The following ZNF892 variants were observed in gnomAD, a reference collection of about 807,000 sequenced individuals.
ZNF892 encodes the protein zinc finger protein 570-like.
At chr2:95,207,551 C>A in the ZNF892 span, 1 of 361,182 alleles carries the variant, frequency 2.8e-6, no homozygotes, top group East Asian at 4.1e-5. Flanking sequence ...CGGCGCTAGG[C>A]GTCCCCGCCG....
chr2:95,236,963 C>T, the ZNF892 span, among the ~76,000 whole-genome samples: 7 of 152,168 alleles, frequency 4.6e-5, no homozygotes, highest in African/African-American at 2.4e-5. Context: ...TTCTTTATTA[C>T]ACTTTGCAGA....
At chr2:95,229,523 T>A in the ZNF892 span, among the ~76,000 whole-genome samples, 1 of 152,170 alleles carries the variant, frequency 6.6e-6, no homozygotes, top group Non-Finnish European at 1.5e-5. Context: ...CTCTACTAGT[T>A]TTATCTGTTT....
At chr2:95,209,670 CG>C in the ZNF892 span, among the ~76,000 whole-genome samples, 2 of 152,110 alleles carry the variant, frequency 1.3e-5, no homozygotes, top group Non-Finnish European at 2.9e-5. Context: ...ATTGGTAGAT[CG>C]CTTTCAGAAA....
chr2:95,215,859 A>G, the ZNF892 span, among the ~76,000 whole-genome samples: 3 of 152,348 alleles, frequency 2.0e-5, no homozygotes, highest in South Asian at 6.2e-4. Context: ...AAATTGCCAT[A>G]TCCTTGGGAG....
At chr2:95,207,190 GCCTCCCCTC>G in the ZNF892 span, among the ~76,000 whole-genome samples, 1 of 152,246 alleles carries the variant, frequency 6.6e-6, no homozygotes, top group African/African-American at 2.4e-5. Context: ...ACCGCCGGGC[GCCTCCCCTC>G]CGATGGAGCA....
chr2:95,239,384 C>T, the ZNF892 span, among the ~76,000 whole-genome samples: 14 of 152,122 alleles, frequency 9.2e-5, no homozygotes. Context: ...AGAGGAGGGA[C>T]TCCAATTTTG....
chr2:95,211,340 C>T, the ZNF892 span, among the ~76,000 whole-genome samples: 1 of 152,158 alleles, frequency 6.6e-6, no homozygotes, highest in Non-Finnish European at 1.5e-5. Context: ...TTTATTGATA[C>T]ATAAACTAAA....
At chr2:95,228,213 T>C in the ZNF892 span, among the ~76,000 whole-genome samples, 1 of 152,232 alleles carries the variant, frequency 6.6e-6, no homozygotes. Context: ...TATTTCCTCA[T>C]GATTAGATCC....
At chr2:95,254,571 A>G in the ZNF892 span, among the ~76,000 whole-genome samples, 1 of 152,164 alleles carries the variant, frequency 6.6e-6, no homozygotes, top group Admixed American at 6.5e-5. Context: ...GCCAGGCTTT[A>G]GTATCAGGAT....
the ZNF892 span, among the ~76,000 whole-genome samples, chr2:95,248,664 GA>G: frequency 1.6e-4 from 23 of 145,558 alleles, no homozygotes; most frequent in East Asian, 9.9e-4. Flanking sequence ...TTAACAGAGA[GA>G]AAAAAAAAAC....
At chr2:95,247,413 A>T in the ZNF892 span, among the ~76,000 whole-genome samples, 1 of 152,224 alleles carries the variant, frequency 6.6e-6, no homozygotes, top group Non-Finnish European at 1.5e-5. Flanking sequence ...TCCTAGAAGA[A>T]AACCTAGAAG....
At chr2:95,231,129 T>C in the ZNF892 span, among the ~76,000 whole-genome samples, 9 of 152,242 alleles carry the variant, frequency 5.9e-5, no homozygotes, top group South Asian at 2.1e-4. Context: ...AAAAGACTTC[T>C]TCAAGCATGT....
At chr2:95,248,691 T>C in the ZNF892 span, among the ~76,000 whole-genome samples, 205 of 152,188 alleles carry the variant, frequency 1.3e-3, no homozygotes, top group Non-Finnish European at 2.3e-3. Context: ...TCTAATTTTA[T>C]ATCAGCACAT....
chr2:95,257,068 C>G, the ZNF892 span, among the ~76,000 whole-genome samples: 1 of 152,214 alleles, frequency 6.6e-6, no homozygotes, highest in Non-Finnish European at 1.5e-5. Flanking sequence ...CTTCTTCTCT[C>G]AATTTGTCAA....
chr2:95,219,159 C>T, the ZNF892 span, among the ~76,000 whole-genome samples: 18 of 151,868 alleles, frequency 1.2e-4, no homozygotes, highest in Admixed American at 9.8e-4. Flanking sequence ...CTACCATGCC[C>T]GGCTAATTTT....
chr2:95,229,245 G>A, the ZNF892 span, among the ~76,000 whole-genome samples: 1 of 152,180 alleles, frequency 6.6e-6, no homozygotes, highest in Non-Finnish European at 1.5e-5. Context: ...CAGGTTCACG[G>A]TATCACTATG....
the ZNF892 span, among the ~76,000 whole-genome samples, chr2:95,261,380 C>T: frequency 3.3e-5 from 5 of 151,904 alleles, no homozygotes; most frequent in Admixed American, 6.6e-5. Context: ...CTGCAACCTT[C>T]GCCCCCTGGG....
chr2:95,208,205 T>C, the ZNF892 span, among the ~76,000 whole-genome samples: 1 of 152,078 alleles, frequency 6.6e-6, no homozygotes, highest in African/African-American at 2.4e-5. Flanking sequence ...TGTTTTGTTT[T>C]TGGTGGTGGT....
chr2:95,215,830 A>G, the ZNF892 span, among the ~76,000 whole-genome samples: 3 of 152,222 alleles, frequency 2.0e-5, no homozygotes, highest in Non-Finnish European at 2.9e-5. Context: ...AATTATTTGT[A>G]ACACCCTAAC....
Sources: gnomAD v4.1 joint callset for allele counts (sites outside exome capture counted in the v4.1 genomes callset) on GRCh38, gnomAD v4.1.1 for gene constraint, MANE v1.5 for transcripts, NCBI Gene and HGNC (gene_info 2026-07-23, HGNC 2026-07-21) for gene names.